Variants in C19orf47 observed in about 807,000 individuals in gnomAD.
The protein encoded by C19orf47 is chromosome 19 open reading frame 47.
Under a neutral mutation model 32.3 loss-of-function variants are expected in C19orf47, and 18 were observed. The ratio of observed to expected loss-of-function variants is 0.56; its 90% CI spans 0.39 to 0.83. The LOEUF (loss-of-function observed/expected upper bound fraction) is 0.83. C19orf47 is among the 40% of genes least tolerant of loss of function. C19orf47 has a pLI of 0.00. For missense variants in C19orf47, 484 were observed against 531.6 expected (o/e 0.91, Z 0.88); for synonymous variants, 202 against 211.1 (o/e 0.96, Z 0.37).
chr19:40,324,234 C>T, intron 7 of C19orf47, 158 bp from the exon 8 acceptor site: 1 of 699,092 alleles, frequency 1.4e-6, no homozygotes, highest in South Asian at 1.6e-5. Flanking sequence ...TTGGCTCACA[C>T]TGACCCTAAC....
the C19orf47 span, among the ~76,000 whole-genome samples, chr19:40,310,690 T>C: frequency 6.6e-6 from 1 of 152,122 alleles, no homozygotes. Context: ...CCAAGGTATA[T>C]TAAGTGAAAA....
chr19:40,329,658 C>G (rs1283045057), intron 5 of C19orf47, among the ~76,000 whole-genome samples: 1 of 152,180 alleles, frequency 6.6e-6, no homozygotes, highest in Admixed American at 6.5e-5. Context: ...CCTCCTCCCT[C>G]TCTGCAGGAA....
At chr19:40,337,288 A>AATTGTTATTATT (rs1555788070) in intron 2 of C19orf47, among the ~76,000 whole-genome samples, 1 of 143,216 alleles carries the variant, frequency 7.0e-6, no homozygotes, top group Non-Finnish European at 1.5e-5. Context: ...CCATGACAGC[A>AATTGTTATTATT]ATTATTATTA....
intron 2 of C19orf47, 45 bp from the exon 3 acceptor site, chr19:40,336,452 A>ACT (rs2078068193): frequency 6.5e-7 from 1 of 1,538,604 alleles, no homozygotes; most frequent in African/African-American, 1.4e-5. Context: ...TCCTCTTTAG[A>ACT]GAATAGCATT....
chr19:40,348,299 C>T, intron 1 of C19orf47, 25 bp downstream of exon 1: 1 of 1,328,748 alleles, frequency 7.5e-7, no homozygotes, highest in South Asian at 1.8e-5. Flanking sequence ...CGGCCCAGTC[C>T]CACCACCCCC....
the C19orf47 span, among the ~76,000 whole-genome samples, chr19:40,309,990 T>C: frequency 6.6e-6 from 1 of 152,150 alleles, no homozygotes; most frequent in Non-Finnish European, 1.5e-5. Flanking sequence ...AGAATTATCA[T>C]ATGACCCAAC....
chr19:40,311,557 TAAATAA>T, the C19orf47 span, among the ~76,000 whole-genome samples: 34 of 151,578 alleles, frequency 2.2e-4, no homozygotes, highest in African/African-American at 8.0e-4. Flanking sequence ...ATAATAATAA[TAAATAA>T]AAATAAAAAA....
At chr19:40,303,471 G>A in the C19orf47 span, among the ~76,000 whole-genome samples, 104 of 147,478 alleles carry the variant, frequency 7.1e-4, no homozygotes, top group South Asian at 8.6e-4. Flanking sequence ...TGCAGTGAGC[G>A]GAGATCATAC....
At chr19:40,328,848 C>T (rs377030503) in intron 5 of C19orf47, among the ~76,000 whole-genome samples, 3 of 152,142 alleles carry the variant, frequency 2.0e-5, no homozygotes, top group Admixed American at 6.5e-5. Context: ...GAGTTCGCTT[C>T]GCCCCTCCCG....
rs573808924 is a variant in C19orf47, at chr19:40,340,389, A to G, written c.19+1450T>C. On this transcript the variant is annotated intron_variant, in intron 2 of 8. Coordinates refer to ENST00000683109, the MANE Select transcript of C19orf47 (RefSeq NM_001256441.2). ...TATGCTTTATATAAATGGAATTATA[A>G]AGAATACAGGCAGCCAGGCGCGGTG... Among the ~76,000 whole-genome samples the G allele has an allele frequency of 5.9e-5, 9 of 152,332 alleles. No individual in the cohort carries two copies. In the South Asian group the frequency reaches 1.9e-3, roughly 32 times the overall value.
the C19orf47 span, among the ~76,000 whole-genome samples, chr19:40,301,113 A>G: frequency 6.6e-6 from 1 of 151,958 alleles, no homozygotes; most frequent in Non-Finnish European, 1.5e-5. Flanking sequence ...CACTGAACCG[A>G]GGCACTCCAG....
At chr19:40,324,443 T>G in intron 7 of C19orf47, 4 of 251,282 alleles carry the variant, frequency 1.6e-5, no homozygotes, top group East Asian at 7.7e-5. Flanking sequence ...TATAACCTAA[T>G]AGCCATCAAT....
At chr19:40,293,444 C>G in the C19orf47 span, among the ~76,000 whole-genome samples, 3 of 151,024 alleles carry the variant, frequency 2.0e-5, no homozygotes, top group Non-Finnish European at 4.4e-5. Flanking sequence ...CCGTGCCCAG[C>G]AATTTTTTGC....
At chr19:40,302,014 A>G in the C19orf47 span, among the ~76,000 whole-genome samples, 1 of 149,748 alleles carries the variant, frequency 6.7e-6, no homozygotes, top group Non-Finnish European at 1.5e-5. Context: ...ACAAAACATT[A>G]GCCGGGCATG....
chr19:40,308,234 C>T, the C19orf47 span, among the ~76,000 whole-genome samples: 7 of 151,872 alleles, frequency 4.6e-5, no homozygotes, highest in African/African-American at 1.7e-4. Flanking sequence ...CGGCTCACAG[C>T]AACCTCTGCC....
At chr19:40,319,230 A>G (rs1024284014), downstream of C19orf47, among the ~76,000 whole-genome samples, 11 of 151,956 alleles carry the variant, frequency 7.2e-5, no homozygotes, top group Non-Finnish European at 1.3e-4. Flanking sequence ...AGATCATGAC[A>G]TTGTCCTCCA....
At chr19:40,331,377 C>T (rs572447563) in intron 5 of C19orf47, among the ~76,000 whole-genome samples, 59 of 152,320 alleles carry the variant, frequency 3.9e-4, no homozygotes, top group African/African-American at 1.3e-3. Context: ...TGAATGCGGC[C>T]GTCAACCCGG....
the C19orf47 span, among the ~76,000 whole-genome samples, chr19:40,295,013 G>A: frequency 6.6e-6 from 1 of 152,138 alleles, no homozygotes; most frequent in African/African-American, 2.4e-5. Flanking sequence ...TGGCAACAAA[G>A]GTCTTTGCTT....
the C19orf47 span, among the ~76,000 whole-genome samples, chr19:40,294,518 G>C: frequency 6.6e-6 from 1 of 151,614 alleles, no homozygotes; most frequent in South Asian, 2.1e-4. Flanking sequence ...TGTGTCTTTT[G>C]TGTTGTGTCA....
Sources: gnomAD v4.1 joint callset for allele counts (sites outside exome capture counted in the v4.1 genomes callset) on GRCh38, gnomAD v4.1.1 for gene constraint, MANE v1.5 for transcripts, NCBI Gene and HGNC (gene_info 2026-07-23, HGNC 2026-07-21) for gene names.